MKRN2: variants seen among roughly 807,000 people sequenced by gnomAD.
MKRN2 encodes E3 ubiquitin-protein ligase makorin-2.
MKRN2 carries 32 observed loss-of-function variants against 45.4 expected under a neutral mutation model. The ratio of observed to expected loss-of-function variants is 0.70; its 90% CI spans 0.53 to 0.95. The LOEUF (loss-of-function observed/expected upper bound fraction) is 0.95. Among genes scored for constraint, MKRN2 ranks in the 40% least tolerant of loss-of-function variants. MKRN2 has a pLI of 0.00. For missense variants in MKRN2, 526 were observed against 536.7 expected, an observed-to-expected ratio of 0.98 and a Z score of 0.20; for synonymous variants, 206 against 192.4, an observed-to-expected ratio of 1.07 and a Z score of -0.59.
intron 1 of MKRN2, among the ~76,000 whole-genome samples, chr3:12,565,524 C>CTTTTTTTTTT (rs10598451): frequency 2.2e-5 from 2 of 91,958 alleles, no homozygotes; most frequent in East Asian, 2.9e-4. Flanking sequence ...CCCAACTTAC[C>CTTTTTTTTTT]TTTTTTTTTT....
At chr3:12,557,697 G>C (rs2442820) in intron 1 of MKRN2, among the ~76,000 whole-genome samples, 70,608 of 151,758 alleles carry the variant, frequency 0.47, 17,859 homozygotes, top group African/African-American at 0.66. Flanking sequence ...GTAGCATATT[G>C]TGAATATCGG....
chr3:12,565,237 A>G (rs1395066062), intron 1 of MKRN2, among the ~76,000 whole-genome samples: 2 of 152,196 alleles, frequency 1.3e-5, no homozygotes, highest in South Asian at 4.1e-4. Flanking sequence ...GTTACATGGC[A>G]CTTATAAAGA....
intron 1 of MKRN2, among the ~76,000 whole-genome samples, chr3:12,567,378 CT>C: frequency 6.6e-6 from 1 of 151,772 alleles, no homozygotes; most frequent in South Asian, 2.1e-4. Flanking sequence ...TTAAGCAATC[CT>C]CCTGTCTCAC....
At chr3:12,569,074 A>G (rs1322447498) in intron 2 of MKRN2, 71 bp downstream of exon 2, 4 of 1,506,094 alleles carry the variant, frequency 2.7e-6, no homozygotes, top group East Asian at 2.4e-5. Context: ...ATAAGGGGGA[A>G]ATTTTAATGT....
chr3:12,564,370 T>A (rs948522686), intron 1 of MKRN2, among the ~76,000 whole-genome samples: 3 of 152,272 alleles, frequency 2.0e-5, no homozygotes, highest in Non-Finnish European at 4.4e-5. Context: ...TGTTTTATAA[T>A]CTACTCTTCT....
At chr3:12,563,710 G>C (rs76618417) in intron 1 of MKRN2, among the ~76,000 whole-genome samples, 1 of 106 alleles carries the variant, frequency 9.4e-3, no homozygotes, top group Non-Finnish European at 0.017. Flanking sequence ...GGCTGGTCTT[G>C]AACTCCTGAC....
intron 3 of MKRN2, 123 bp downstream of exon 3, chr3:12,570,375 C>A: frequency 2.1e-6 from 2 of 970,636 alleles, no homozygotes; most frequent in Non-Finnish European, 3.0e-6. Flanking sequence ...AGATTGTCTG[C>A]GCGGAGAGAC....
At chr3:12,575,149 A>T in intron 5 of MKRN2, 143 bp downstream of exon 5, 5 of 721,564 alleles carry the variant, frequency 6.9e-6, no homozygotes, top group Non-Finnish European at 1.1e-5. Flanking sequence ...TCAGCAAGTC[A>T]TTTACTCTTC....
At chr3:12,565,541 T>C (rs1432619317) in intron 1 of MKRN2, among the ~76,000 whole-genome samples, 9 of 132,206 alleles carry the variant, frequency 6.8e-5, no homozygotes, top group African/African-American at 2.7e-4. Flanking sequence ...TTTTTTTTTT[T>C]TTTTTTTTTT....
At position 12,582,396 on chromosome 3, in the gene MKRN2, A is replaced by G; in HGVS notation, c.*143A>G. 1 of 980,454 alleles carries G rather than the reference A, an allele frequency of 1.0e-6. No individual in the cohort carries two copies. Among genetic ancestry groups the G allele is most frequent in the Non-Finnish European group, 1.5e-6 (1 of 655,580 alleles). 60.7% of individuals were successfully genotyped at this position (980,454 alleles called of 1,614,324 possible). ...TTGGGCTTAGCCTTAGTCTCATTCA[A>G]TCTCCATTATTACAGCCATGGGGAA... On this transcript the variant is annotated 3_prime_UTR_variant, in exon 8 of 8. Coordinates refer to ENST00000170447, the MANE Select transcript of MKRN2 (RefSeq NM_014160.5).
chr3:12,561,622 C>T (rs1208109117), intron 1 of MKRN2, among the ~76,000 whole-genome samples: 1 of 152,116 alleles, frequency 6.6e-6, no homozygotes, highest in Admixed American at 6.5e-5. Flanking sequence ...CTGTCTCTAC[C>T]CGAGAAAAGG....
At chr3:12,557,207 C>T (rs578236861) in intron 1 of MKRN2, 31 bp downstream of exon 1, 32 of 1,531,950 alleles carry the variant, frequency 2.1e-5, no homozygotes, top group Non-Finnish European at 2.5e-5. Context: ...AGCTTCGGGC[C>T]GCTCCCCCAG....
In MKRN2 at chr3:12,581,843, G is replaced by C; in HGVS notation, c.1004G>C (p.Gly335Ala). 4 of 1,614,158 alleles carry C rather than the reference G, an allele frequency of 2.5e-6. No individual in the cohort carries two copies. The highest frequency in any genetic ancestry group is 3.4e-6 in the Non-Finnish European group (4 of 1,180,042). The change falls in exon 7 of 8, where the codon GGG becomes GCG. Residue 335 changes from glycine to alanine, a missense_variant. Gly to Ala is a moderately conservative substitution (Grantham distance 60). Coordinates refer to ENST00000170447, the MANE Select transcript of MKRN2 (RefSeq NM_014160.5). ...KACKYFEQGK[G>A]TCPFGSKCLY... Reference sequence around the variant, plus strand: ...TGTAAATACTTTGAGCAAGGCAAGGGGACCTGCCCATTTGGAAGCAAATGT... The same window carrying C: ...TGTAAATACTTTGAGCAAGGCAAGGCGACCTGCCCATTTGGAAGCAAATGT...
intron 6 of MKRN2, among the ~76,000 whole-genome samples, chr3:12,579,460 C>T (rs1473969845): frequency 6.6e-6 from 1 of 152,180 alleles, no homozygotes; most frequent in Non-Finnish European, 1.5e-5. Flanking sequence ...AGCCACTGTG[C>T]CCCGCCAAGT....
intron 2 of MKRN2, among the ~76,000 whole-genome samples, chr3:12,569,413 G>A (rs1262719866): frequency 1.3e-5 from 2 of 151,766 alleles, no homozygotes; most frequent in African/African-American, 4.8e-5. Flanking sequence ...TCCCGCCTCA[G>A]CTTCCCAAAG....
chr3:12,576,388 T>C (rs1425414406), intron 5 of MKRN2, among the ~76,000 whole-genome samples: 2 of 152,154 alleles, frequency 1.3e-5, no homozygotes, highest in African/African-American at 4.8e-5. Context: ...CTCCCTCCCC[T>C]TGCCCCTGCA....
In MKRN2 at chr3:12,581,805, C is replaced by T. The variant is rs2058181328; in HGVS notation, c.969-3C>T. On this transcript the variant is annotated splice_polypyrimidine_tract_variant and splice_region_variant and intron_variant, in intron 6 of 7. Coordinates refer to ENST00000170447, the MANE Select transcript of MKRN2 (RefSeq NM_014160.5). ...CTCTTGACTTTTTCTTTCTGCTTTT[C>T]AGGAAAAAAGCCTGTAAATACTTTG... 1.2e-6 allele frequency: 2 copies of T among 1,613,610 alleles called. No individual in the cohort carries two copies. The highest frequency in any genetic ancestry group is 1.7e-6 in the Non-Finnish European group (2 of 1,179,796).
chr3:12,574,720 C>A, intron 4 of MKRN2, 72 bp from the exon 5 acceptor site: 1 of 1,357,762 alleles, frequency 7.4e-7, no homozygotes. Flanking sequence ...AGTGTGGCTG[C>A]AGCTACTCCT....
At chr3:12,566,689 G>A (rs1334524557) in intron 1 of MKRN2, among the ~76,000 whole-genome samples, 2 of 152,048 alleles carry the variant, frequency 1.3e-5, no homozygotes, top group African/African-American at 4.8e-5. Context: ...TGCAACCTCC[G>A]CCTCCAGGGT....
Sources: gnomAD v4.1 joint callset for allele counts (sites outside exome capture counted in the v4.1 genomes callset) on GRCh38, gnomAD v4.1.1 for gene constraint, MANE v1.5 for transcripts, NCBI Gene and HGNC (gene_info 2026-07-23, HGNC 2026-07-21) for gene names.